The following OR1M1 variants were observed in gnomAD, a reference collection of about 807,000 sequenced individuals.
The protein encoded by OR1M1 is olfactory receptor 1M1.
For missense variants in OR1M1, 397 were observed against 401.8 expected (o/e 0.99, Z 0.10); for synonymous variants, 157 against 165.5 (o/e 0.95, Z 0.39).
intron 1 of OR1M1, among the ~76,000 whole-genome samples, chr19:9,090,491 G>A (rs185729633): frequency 3.3e-5 from 5 of 152,116 alleles, no homozygotes; most frequent in East Asian, 1.9e-4. Flanking sequence ...ATGGAGTTTC[G>A]CTCTTGCTGC....
At chr19:9,092,360 T>G (rs1411796488) in intron 1 of OR1M1, among the ~76,000 whole-genome samples, 2 of 152,040 alleles carry the variant, frequency 1.3e-5, no homozygotes, top group African/African-American at 4.8e-5. Flanking sequence ...TTGGAAGGCC[T>G]AGATGGGAGG....
intron 1 of OR1M1, among the ~76,000 whole-genome samples, chr19:9,090,221 CA>C (rs935055203): frequency 2.6e-5 from 4 of 152,140 alleles, no homozygotes; most frequent in African/African-American, 9.7e-5. Flanking sequence ...TTCCTGATTT[CA>C]AATGTCTTGA....
intron 1 of OR1M1, among the ~76,000 whole-genome samples, chr19:9,092,154 A>C (rs1346277324): frequency 1.5e-5 from 2 of 134,924 alleles, no homozygotes; most frequent in Non-Finnish European, 3.0e-5. Context: ...ACCTGCATTC[A>C]AGCTCTCTGC....
At chr19:9,088,614 G>A (rs978726501) in intron 1 of OR1M1, among the ~76,000 whole-genome samples, 1 of 152,040 alleles carries the variant, frequency 6.6e-6, no homozygotes, top group South Asian at 2.1e-4. Context: ...GGCCAGGCAC[G>A]GTGGCTCACA....
At position 9,094,194 on chromosome 19, in the gene OR1M1, G is replaced by A; in HGVS notation, c.*8G>A. On this transcript the variant is annotated 3_prime_UTR_variant, in exon 2 of 2. Transcript: ENST00000641627. ...ATCACCTCATCTTCCTGACCACCAGGACTCAGGAACTTCTGGGGGGTAGAA... is the reference window on the plus strand; with the variant it reads ...ATCACCTCATCTTCCTGACCACCAGAACTCAGGAACTTCTGGGGGGTAGAA... 1.9e-6 allele frequency: 3 copies of A among 1,573,346 alleles called. No individual in the cohort carries two copies. The highest frequency in any genetic ancestry group is 2.6e-6 in the Non-Finnish European group (3 of 1,153,930).
Position 9,093,971 on chromosome 19 carries a change from T to C in OR1M1, c.727T>C (p.Ser243Pro). 1 of 1,614,136 alleles carries C rather than the reference T, an allele frequency of 6.2e-7. No homozygotes were observed. Among genetic ancestry groups the C allele is most frequent in the Non-Finnish European group, 8.5e-7 (1 of 1,180,018 alleles). ...GRKKAFSTCS[S>P]HLSVVALFYG... ...GAAGAAAGCCTTCTCCACCTGCAGC[T>C]CCCACCTGTCTGTGGTTGCTCTCTT... Residue 243 changes from serine (S) to proline (P), a missense_variant, in exon 2 of 2, where the codon TCC becomes CCC. Ser to Pro is a moderately conservative substitution (Grantham distance 74). Transcript: ENST00000641627.
intron 1 of OR1M1, among the ~76,000 whole-genome samples, chr19:9,089,737 A>G (rs947920788): frequency 3.3e-5 from 5 of 151,804 alleles, no homozygotes; most frequent in African/African-American, 1.2e-4. Context: ...AAGCCAACAC[A>G]TTTTCCAAAA....
In OR1M1 at chr19:9,093,800, C is replaced by T. The variant is rs761691660; in HGVS notation, c.556C>T (p.Arg186Ter). ...HYFCDLTPIL[R>*]LSCTDTSVNR... ...CTTCTGCGACCTCACTCCCATCCTCCGACTTTCGTGCACGGACACCTCTGT... is the reference window on the plus strand; with the variant it reads ...CTTCTGCGACCTCACTCCCATCCTCTGACTTTCGTGCACGGACACCTCTGT... The change falls in exon 2 of 2, where the codon CGA becomes TGA. Residue 186 changes from arginine to a stop codon, truncating the protein, a stop_gained. Transcript: ENST00000641627. LOFTEE classifies it low-confidence loss of function (END_TRUNC). 46 of 1,613,894 alleles carry T rather than the reference C, an allele frequency of 2.9e-5. No homozygotes were observed. Among genetic ancestry groups the T allele is most frequent in the African/African-American group, 4.0e-5 (3 of 74,928 alleles).
chr19:9,093,362 G>T lies in OR1M1; in HGVS notation c.118G>T (p.Val40Leu), dbSNP rs115536825. The T allele has an allele frequency of 3.1e-6, 5 of 1,612,188 alleles. No individual in the cohort carries two copies. The highest frequency in any genetic ancestry group is 1.7e-4 in the Middle Eastern group (1 of 6,058). Residue 40 changes from valine to leucine, a missense_variant, in exon 2 of 2, where the codon GTG becomes TTG. Transcript: ENST00000641627. ...CTTCTGCATGTACCTGGTCATGGTCGTGGGGAACCTGCTCATCATCCTGGC... is the reference window on the plus strand; with the variant it reads ...CTTCTGCATGTACCTGGTCATGGTCTTGGGGAACCTGCTCATCATCCTGGC... ...LFFCMYLVMV[V>L]GNLLIILAIS...
In OR1M1 at chr19:9,092,400, C is replaced by T. The variant is rs186626146; in HGVS notation, c.-13-832C>T. Among the ~76,000 whole-genome samples, 414 of 152,030 alleles carry T rather than the reference C, an allele frequency of 2.7e-3. 2 individuals carry two copies. Among genetic ancestry groups the T allele is most frequent in the African/African-American group, 9.4e-3 (388 of 41,472 alleles). On this transcript the variant is annotated intron_variant, in intron 1 of 1. Transcript: ENST00000641627. Reference sequence around the variant, plus strand: ...CTCAAGCTCAGGAATTCAAGACCAGCCTGGACAACATAGCAAGATCCTGTC... The same window carrying T: ...CTCAAGCTCAGGAATTCAAGACCAGTCTGGACAACATAGCAAGATCCTGTC...
intron 1 of OR1M1, among the ~76,000 whole-genome samples, chr19:9,089,335 G>T (rs185456779): frequency 6.6e-6 from 1 of 151,518 alleles, no homozygotes; most frequent in East Asian, 1.9e-4. Context: ...TTTATAATAT[G>T]CTCCAATTCT....
intron 1 of OR1M1, among the ~76,000 whole-genome samples, chr19:9,090,734 G>A (rs77255578): frequency 0.024 from 3,640 of 151,870 alleles, 47 homozygotes; most frequent in African/African-American, 0.03. Flanking sequence ...GCGCCCGGCC[G>A]ACTTCAGGAT....
chr19:9,093,986 G>A lies in OR1M1; in HGVS notation c.742G>A (p.Val248Ile), dbSNP rs1025128478. ...CACCTGCAGCTCCCACCTGTCTGTG[G>A]TTGCTCTCTTCTATGGGACCACCAT... The part of the protein sequence containing the change: ...FSTCSSHLSV[V>I]ALFYGTTIGV... The change falls in exon 2 of 2, where the codon GTT becomes ATT. Residue 248 changes from valine (V) to isoleucine (I), a missense_variant. By Grantham distance (29) the Val-to-Ile change is conservative. Transcript: ENST00000641627. 1.2e-6 allele frequency: 2 copies of A among 1,614,120 alleles called. No individual in the cohort carries two copies. Among genetic ancestry groups the A allele is most frequent in the Non-Finnish European group, 1.7e-6 (2 of 1,180,032 alleles).
Position 9,094,118 on chromosome 19 carries a change from T to G in OR1M1, c.874T>G (p.Leu292Val). 1 of 1,613,626 alleles carries G rather than the reference T, an allele frequency of 6.2e-7. No individual in the cohort carries two copies. The highest frequency in any genetic ancestry group is 8.5e-7 in the Non-Finnish European group (1 of 1,179,958). ...CATGCTGAATCCCTTCATCTACAGC[T>G]TGAGGAACAGAGACCTGAAAGGGGC... ...TPMLNPFIYS[L>V]RNRDLKGALR... The change falls in exon 2 of 2, where the codon TTG becomes GTG. Residue 292 changes from leucine to valine, a missense_variant. Physicochemically the swap from Leu to Val is conservative, Grantham distance 32 (BLOSUM62 1). Coordinates refer to ENST00000641627, the MANE Select transcript of OR1M1 (RefSeq NM_001004456.2).
intron 1 of OR1M1, among the ~76,000 whole-genome samples, chr19:9,091,343 A>G (rs1294612818): frequency 1.3e-5 from 2 of 150,380 alleles, no homozygotes; most frequent in Non-Finnish European, 3.0e-5. Flanking sequence ...TTTAAATAGT[A>G]TTTGCACCAC....
intron 1 of OR1M1, among the ~76,000 whole-genome samples, chr19:9,091,322 CTTTTT>C (rs5827044): frequency 6.8e-6 from 1 of 147,950 alleles, no homozygotes; most frequent in African/African-American, 2.5e-5. Context: ...AACCCCATTT[CTTTTT>C]TTTTTTTTAA....
In OR1M1 at chr19:9,093,752, G is replaced by T. The variant is rs148343734; in HGVS notation, c.508G>T (p.Gly170Cys). The change falls in exon 2 of 2, where the codon GGC becomes TGC. Residue 170 changes from glycine (G) to cysteine (C), a missense_variant. Coordinates refer to ENST00000641627, the MANE Select transcript of OR1M1 (RefSeq NM_001004456.2). ...ILLMARLVFC[G>C]SHEVPHYFCD... The stretch of plus-strand genomic sequence containing the variant: ...CCTGATGGCCCGTCTCGTTTTCTGC[G>T]GCAGCCATGAGGTGCCTCACTACTT... 4 of 1,613,712 alleles carry T rather than the reference G, an allele frequency of 2.5e-6. No homozygotes were observed.
rs138434951 is a variant in OR1M1, at chr19:9,093,334, G to A, written c.90G>A (p.Leu30=). The change falls in exon 2 of 2, where the codon CTG becomes CTA. Residue 30 remains leucine (L), a synonymous_variant. Coordinates refer to ENST00000641627, the MANE Select transcript of OR1M1 (RefSeq NM_001004456.2). ...AGCAGGAGACGCTTCTCTTTTCCCT[G>A]TTCTTCTGCATGTACCTGGTCATGG... is the stretch of plus-strand genomic sequence containing the variant. The part of the protein sequence containing the change: ...KPEQETLLFS[L]FFCMYLVMVV... The A allele has an allele frequency of 2.5e-5, 40 of 1,613,694 alleles. No homozygotes were observed. The South Asian group carries it at 3.1e-4, about 12-fold the overall frequency.
At chr19:9,087,339 A>T (rs2050270048) in intron 1 of OR1M1, among the ~76,000 whole-genome samples, 182 bp downstream of exon 1, 1 of 152,176 alleles carries the variant, frequency 6.6e-6, no homozygotes, top group Non-Finnish European at 1.5e-5. Flanking sequence ...GTGCAGTGGC[A>T]CAATCACAGC....
Sources: allele counts gnomAD v4.1 joint callset (sites outside exome capture counted in the v4.1 genomes callset), GRCh38; gene constraint gnomAD v4.1.1; transcripts MANE v1.5; gene names NCBI Gene and HGNC (gene_info 2026-07-23, HGNC 2026-07-21).